The following NRG3 variants were observed in gnomAD, a reference collection of about 807,000 sequenced individuals.
NRG3 encodes the protein neuregulin 3, also known as pro-neuregulin-3, membrane-bound isoform.
NRG3 carries 31 observed loss-of-function variants against 66.9 expected under a neutral mutation model. That is an observed-to-expected ratio of 0.46 (90% confidence interval 0.35 to 0.63). The LOEUF (loss-of-function observed/expected upper bound fraction) is 0.63, where lower values mean the gene tolerates loss of function less well. Ranked by LOEUF, NRG3 falls within the 20% of genes least tolerant of loss-of-function variation. The pLI is 0.00. For synonymous variants in NRG3, 393 were observed against 359.4 expected, an observed-to-expected ratio of 1.09 and a Z score of -1.06; for missense variants, 910 against 878.9, an observed-to-expected ratio of 1.04 and a Z score of -0.45.
chr10:82,254,292 C>T (rs79679832), intron 1 of NRG3, among the ~76,000 whole-genome samples: 6,150 of 152,192 alleles, frequency 0.04, 175 homozygotes, highest in Middle Eastern at 0.078. Flanking sequence ...TTCACTTTAA[C>T]GTAAACTAGA....
At chr10:82,422,083 T>A (rs2089123005) in intron 2 of NRG3, among the ~76,000 whole-genome samples, 1 of 152,068 alleles carries the variant, frequency 6.6e-6, no homozygotes, top group African/African-American at 2.4e-5. Flanking sequence ...CAGAGGAGCT[T>A]CACCTTGGCC....
chr10:82,950,976 A>C (rs1326186744), intron 4 of NRG3, among the ~76,000 whole-genome samples: 2 of 151,700 alleles, frequency 1.3e-5, no homozygotes, highest in African/African-American at 2.4e-5. Context: ...TTTTTTCTTC[A>C]TGAGTGATGT....
At chr10:81,892,479 C>G (rs1232020387) in intron 1 of NRG3, among the ~76,000 whole-genome samples, 2 of 151,962 alleles carry the variant, frequency 1.3e-5, no homozygotes, top group Non-Finnish European at 2.9e-5. Context: ...AAGAGTGTTA[C>G]AAGAAGAACA....
At chr10:82,096,041 G>A (rs1045343701) in intron 1 of NRG3, among the ~76,000 whole-genome samples, 7 of 152,154 alleles carry the variant, frequency 4.6e-5, no homozygotes, top group Admixed American at 2.0e-4. Context: ...TTGGCAAGAC[G>A]AAAAGGAACA....
At chr10:81,911,392 A>G (rs960571757) in intron 1 of NRG3, among the ~76,000 whole-genome samples, 1 of 151,822 alleles carries the variant, frequency 6.6e-6, no homozygotes, top group Non-Finnish European at 1.5e-5. Context: ...CCTTCCCTCC[A>G]TTTCCTGGGA....
intron 4 of NRG3, among the ~76,000 whole-genome samples, chr10:82,876,181 A>C (rs1374361080): frequency 1.3e-5 from 2 of 152,230 alleles, no homozygotes; most frequent in Non-Finnish European, 2.9e-5. Flanking sequence ...CATAAGACCA[A>C]TACATCTTTG....
At chr10:82,636,281 G>A (rs1296077232) in intron 2 of NRG3, among the ~76,000 whole-genome samples, 6 of 151,498 alleles carry the variant, frequency 4.0e-5, no homozygotes, top group South Asian at 2.1e-4. Context: ...ACAGGCATGC[G>A]GTGTGTGTGC....
intron 1 of NRG3, among the ~76,000 whole-genome samples, chr10:81,896,563 CT>C (rs1439533446): frequency 6.6e-6 from 1 of 151,532 alleles, no homozygotes; most frequent in Non-Finnish European, 1.5e-5. Context: ...ATCTTACTGA[CT>C]TTTCAATCTC....
intron 1 of NRG3, among the ~76,000 whole-genome samples, chr10:81,999,737 A>G (rs1298016730): frequency 6.6e-6 from 1 of 152,204 alleles, no homozygotes; most frequent in Non-Finnish European, 1.5e-5. Flanking sequence ...TATGCTTTAA[A>G]GTACTGGCAA....
At chr10:82,303,453 T>C (rs2080529117) in intron 1 of NRG3, among the ~76,000 whole-genome samples, 1 of 152,164 alleles carries the variant, frequency 6.6e-6, no homozygotes. Context: ...TCTTATATCA[T>C]TCCTTGAATA....
chr10:82,140,026 C>G (rs2069655660), intron 1 of NRG3, among the ~76,000 whole-genome samples: 1 of 151,988 alleles, frequency 6.6e-6, no homozygotes, highest in South Asian at 2.1e-4. Context: ...ATCAAAACAG[C>G]AAGCTTTGAG....
chr10:81,946,205 C>T (rs1280760395), intron 1 of NRG3, among the ~76,000 whole-genome samples: 3 of 152,018 alleles, frequency 2.0e-5, no homozygotes, highest in East Asian at 1.9e-4. Context: ...TTAGTAGAGA[C>T]GAGGTTTGAC....
At chr10:82,134,874 G>A (rs2069208963) in intron 1 of NRG3, among the ~76,000 whole-genome samples, 1 of 151,954 alleles carries the variant, frequency 6.6e-6, no homozygotes, top group Admixed American at 6.6e-5. Flanking sequence ...TGTAATCCCA[G>A]TACTTTGGGA....
intron 1 of NRG3, among the ~76,000 whole-genome samples, chr10:81,980,013 C>T (rs2060275816): frequency 6.6e-6 from 1 of 152,216 alleles, no homozygotes; most frequent in African/African-American, 2.4e-5. Flanking sequence ...AGTTAGTCGT[C>T]ATCATTTTGC....
At chr10:82,588,348 G>A (rs758896638) in intron 2 of NRG3, among the ~76,000 whole-genome samples, 6 of 151,958 alleles carry the variant, frequency 3.9e-5, no homozygotes, top group Admixed American at 1.3e-4. Context: ...GGCACCTTAC[G>A]CCTCCTGCCT....
chr10:82,404,189 T>G (rs887916588), intron 2 of NRG3, among the ~76,000 whole-genome samples: 8 of 152,292 alleles, frequency 5.3e-5, no homozygotes, highest in African/African-American at 1.9e-4. Context: ...GAATACAGAC[T>G]AGGAAGACTT....
chr10:82,706,109 T>A (rs191053394), intron 2 of NRG3, among the ~76,000 whole-genome samples: 1,666 of 152,252 alleles, frequency 0.011, 24 homozygotes, highest in Middle Eastern at 0.02. Flanking sequence ...TTCTTTTTTT[T>A]ATCAATCTAC....
chr10:82,683,362 A>G (rs2054263623), intron 2 of NRG3, among the ~76,000 whole-genome samples: 1 of 151,250 alleles, frequency 6.6e-6, no homozygotes, highest in African/African-American at 2.4e-5. Flanking sequence ...TCTCCCCTTG[A>G]TCACAGTATA....
At chr10:82,681,515 C>A (rs1428733697) in intron 2 of NRG3, among the ~76,000 whole-genome samples, 1 of 152,216 alleles carries the variant, frequency 6.6e-6, no homozygotes, top group Non-Finnish European at 1.5e-5. Flanking sequence ...CTGGTGAAAT[C>A]TTCAGCAGGG....
Sources: gnomAD v4.1 joint callset for allele counts (sites outside exome capture counted in the v4.1 genomes callset) on GRCh38, gnomAD v4.1.1 for gene constraint, MANE v1.5 for transcripts, NCBI Gene and HGNC (gene_info 2026-07-23, HGNC 2026-07-21) for gene names.